Variants in QRFPR observed in about 807,000 individuals in gnomAD.
QRFPR encodes pyroglutamylated RFamide peptide receptor.
Under a neutral mutation model 31.3 loss-of-function variants are expected in QRFPR, and 37 were observed. That is an observed-to-expected ratio of 1.18 (90% CI 0.91 to 1.56). The LOEUF (loss-of-function observed/expected upper bound fraction) is 1.56, where lower values mean the gene tolerates loss of function less well. Among genes scored for constraint, QRFPR ranks in the 40% most tolerant of loss-of-function variants. The pLI, the probability that QRFPR is intolerant of heterozygous loss-of-function variation, is 0.00. For synonymous variants in QRFPR, 197 were observed against 192.0 expected (o/e 1.03, Z -0.22); for missense variants, 542 against 532.5 (o/e 1.02, Z -0.18).
intron 1 of QRFPR, among the ~76,000 whole-genome samples, chr4:121,373,822 A>C (rs1201110068): frequency 3.9e-5 from 6 of 152,172 alleles, no homozygotes. Flanking sequence ...ATCTCTAAAA[A>C]CACACCCTAA....
At position 121,369,400 on chromosome 4, in the gene QRFPR, C is replaced by T. The variant is rs1161224938; in HGVS notation, c.340+10908G>A. 5 of 730,242 alleles carry T rather than the reference C, an allele frequency of 6.8e-6. No individual in the cohort carries two copies. The African/African-American group carries it at 7.0e-5, about 10-fold the overall frequency. The allele number at this position is 730,242 out of a possible 1,614,324, so 45.2% of individuals were successfully genotyped here. On this transcript the variant is annotated intron_variant, in intron 1 of 5. Transcript: ENST00000394427. ...AGGGCAGTGGAGTGCAAGAAACCTT[C>T]TTTACCAGAATCCCTGGAAAGAAAG...
intron 1 of QRFPR, among the ~76,000 whole-genome samples, chr4:121,365,643 AT>A (rs1726119350): frequency 3.5e-5 from 1 of 28,594 alleles, no homozygotes; most frequent in African/African-American, 1.7e-4. Context: ...TATATATTTT[AT>A]ATATTATATA....
chr4:121,362,027 T>A lies in QRFPR; in HGVS notation c.340+18281A>T, dbSNP rs889412885. ...TAAGGAACTTTTTAAAAACAATAAC[T>A]GCAATTGTCTGCAATATTCTATATT... On this transcript the variant is annotated intron_variant, in intron 1 of 5. Transcript: ENST00000394427. Among the ~76,000 whole-genome samples, 9 of 150,144 alleles carry A rather than the reference T, an allele frequency of 6.0e-5. 1 individual carries two copies. Among genetic ancestry groups the A allele is most frequent in the Non-Finnish European group, 1.3e-4 (9 of 67,630 alleles).
At position 121,376,309 on chromosome 4, in the gene QRFPR, A is replaced by T. The variant is rs370512439; in HGVS notation, c.340+3999T>A. On this transcript the variant is annotated intron_variant, in intron 1 of 5. Transcript: ENST00000394427. ...AGATCAAAGGTAAGCCAATAAGGCA[A>T]TGATGGTAAGGTGGATGAAAGGAAT... 5.9e-5 allele frequency among the ~76,000 whole-genome samples: 9 copies of T among 152,334 alleles called. No homozygotes were observed. In the South Asian group the frequency reaches 1.9e-3, roughly 32 times the overall value.
intron 1 of QRFPR, among the ~76,000 whole-genome samples, chr4:121,379,938 G>A (rs1022151006): frequency 6.6e-6 from 1 of 151,972 alleles, no homozygotes; most frequent in Non-Finnish European, 1.5e-5. Context: ...GTAATGACGG[G>A]AAAGGGAGCT....
At chr4:121,371,148 T>C (rs1726237107) in intron 1 of QRFPR, among the ~76,000 whole-genome samples, 1 of 152,230 alleles carries the variant, frequency 6.6e-6, no homozygotes, top group Non-Finnish European at 1.5e-5. Context: ...AGGAACATGC[T>C]GTCTTTTAAG....
At chr4:121,365,083 A>G (rs946064727) in intron 1 of QRFPR, among the ~76,000 whole-genome samples, 1 of 149,782 alleles carries the variant, frequency 6.7e-6, no homozygotes, top group African/African-American at 2.5e-5. Flanking sequence ...CATTGCTACA[A>G]AATAGCCTTC....
intron 1 of QRFPR, among the ~76,000 whole-genome samples, chr4:121,352,689 G>A (rs909835546): frequency 3.3e-5 from 5 of 152,012 alleles, no homozygotes; most frequent in East Asian, 1.9e-4. Context: ...TGGGGTATTC[G>A]TCACATCAAG....
At chr4:121,358,778 G>T (rs111362008) in intron 1 of QRFPR, among the ~76,000 whole-genome samples, 4,307 of 152,240 alleles carry the variant, frequency 0.028, 201 homozygotes, top group African/African-American at 0.097. Context: ...GATCATGGCT[G>T]AGCCACACTG....
intron 1 of QRFPR, among the ~76,000 whole-genome samples, chr4:121,353,536 A>G (rs1472269976): frequency 6.6e-6 from 1 of 152,058 alleles, no homozygotes; most frequent in Non-Finnish European, 1.5e-5. Context: ...ATATCTATTC[A>G]GATCTTTTGC....
intron 3 of QRFPR, 26 bp downstream of exon 3, chr4:121,336,781 G>A (rs1221191409): frequency 6.5e-7 from 1 of 1,541,974 alleles, no homozygotes; most frequent in Non-Finnish European, 9.0e-7. Context: ...TCAACAATAT[G>A]ATTATACATC....
intron 1 of QRFPR, among the ~76,000 whole-genome samples, chr4:121,368,018 C>A (rs1726159701): frequency 6.7e-6 from 1 of 149,308 alleles, no homozygotes; most frequent in South Asian, 2.1e-4. Flanking sequence ...CTTACACAGA[C>A]AAGGTACTAT....
intron 1 of QRFPR, among the ~76,000 whole-genome samples, chr4:121,366,858 T>G (rs1196183215): frequency 6.7e-6 from 1 of 149,736 alleles, no homozygotes; most frequent in Non-Finnish European, 1.5e-5. Flanking sequence ...AAGACTTTGG[T>G]ATCCATTTTC....
At chr4:121,346,468 A>G (rs1725652663) in intron 1 of QRFPR, among the ~76,000 whole-genome samples, 1 of 152,216 alleles carries the variant, frequency 6.6e-6, no homozygotes, top group African/African-American at 2.4e-5. Context: ...TTTTCTACAT[A>G]GAAAATAATG....
intron 1 of QRFPR, among the ~76,000 whole-genome samples, chr4:121,342,520 C>G (rs571752492): frequency 7.9e-5 from 12 of 152,248 alleles, no homozygotes; most frequent in African/African-American, 2.6e-4. Context: ...TGAGCCTGTC[C>G]CATTCCCTAT....
intron 3 of QRFPR, among the ~76,000 whole-genome samples, chr4:121,335,590 C>T (rs12499980): frequency 0.46 from 26,392 of 57,350 alleles, 3,550 homozygotes; most frequent in Non-Finnish European, 0.52. Context: ...GGGGGTGGGG[C>T]GGGGAGAGGA....
At chr4:121,367,518 A>G (rs1726152110) in intron 1 of QRFPR, among the ~76,000 whole-genome samples, 1 of 150,342 alleles carries the variant, frequency 6.7e-6, no homozygotes, top group Admixed American at 6.6e-5. Context: ...ATAAACTATA[A>G]TGGACCTGGT....
chr4:121,358,535 T>A (rs919230300), intron 1 of QRFPR, among the ~76,000 whole-genome samples: 1 of 152,230 alleles, frequency 6.6e-6, no homozygotes, highest in African/African-American at 2.4e-5. Flanking sequence ...ATTTTTGTTT[T>A]GTTTTCTCTT....
At chr4:121,330,547 A>T (rs1404640872) in intron 4 of QRFPR, 24 bp from the exon 5 acceptor site, 2 of 1,569,144 alleles carry the variant, frequency 1.3e-6, no homozygotes, top group African/African-American at 2.7e-5. Flanking sequence ...GAAACATTGT[A>T]TTAGTTAACT....
Sources: allele counts gnomAD v4.1 joint callset (sites outside exome capture counted in the v4.1 genomes callset), GRCh38; gene constraint gnomAD v4.1.1; transcripts MANE v1.5; gene names NCBI Gene and HGNC (gene_info 2026-07-23, HGNC 2026-07-21).